DZIP1: variants seen among roughly 807,000 people sequenced by gnomAD.
DZIP1 encodes DAZ interacting zinc finger protein 1.
In DZIP1, 97 loss-of-function variants were observed where a neutral mutation model predicts 107.6. That is an observed-to-expected ratio of 0.90 (90% CI 0.77 to 1.07). DZIP1 has a LOEUF of 1.07. Ranked by LOEUF, DZIP1 falls within the 50% of genes least tolerant of loss-of-function variation. The pLI, the probability that DZIP1 is intolerant of heterozygous loss-of-function variation, is 0.00. For synonymous variants in DZIP1, 390 were observed against 386.4 expected (o/e 1.01, Z -0.11); for missense variants, 1,035 against 1,063.6 (o/e 0.97, Z 0.37).
At chr13:95,606,207 A>G in intron 13 of DZIP1, 148 bp from the exon 14 acceptor site, 1 of 625,150 alleles carries the variant, frequency 1.6e-6, no homozygotes, top group Non-Finnish European at 2.8e-6. Flanking sequence ...GATATTACAC[A>G]ACTAACATAA....
chr13:95,589,192 G>A lies in DZIP1; in HGVS notation c.1989C>T (p.Val663=). The change falls in exon 19 of 23, where the codon GTC becomes GTT. Residue 663 remains valine, a synonymous_variant. Coordinates refer to ENST00000376829, the MANE Select transcript of DZIP1 (RefSeq NM_198968.4). ...RTSVPKIKKN[V]MEDPFPRKSS... ...ACTTTCTGGGAAAAGGATCTTCCAT[G>A]ACATTTTTCTTAATTCTAAAAAAAC... 6 of 1,605,118 alleles carry A rather than the reference G, an allele frequency of 3.7e-6. No individual in the cohort carries two copies. Among genetic ancestry groups the A allele is most frequent in the South Asian group, 1.1e-5 (1 of 88,744 alleles).
chr13:95,638,592 G>A (rs1878100172), intron 5 of DZIP1, among the ~76,000 whole-genome samples: 1 of 151,464 alleles, frequency 6.6e-6, no homozygotes, highest in Non-Finnish European at 1.5e-5. Context: ...AAAATATTGA[G>A]GAAAAAGACC....
rs1454103798 is a variant in DZIP1, at chr13:95,639,403, C to T, written c.597+1892G>A. ...GTCAGGAGTTTGAGACCAGCCTGGC[C>T]AACACGGTGAAACCTCGTCTCTACT... On this transcript the variant is annotated intron_variant, in intron 5 of 22. Transcript: ENST00000376829. Among the ~76,000 whole-genome samples, 3 of 151,912 alleles carry T rather than the reference C, an allele frequency of 2.0e-5. No individual in the cohort carries two copies. In the East Asian group the frequency reaches 5.8e-4, roughly 29 times the overall value.
rs563339489 is a variant in DZIP1, at chr13:95,644,689, C to G, written c.-838G>C. 9.2e-5 allele frequency: 14 copies of G among 151,610 alleles called. No homozygotes were observed. The highest frequency in any genetic ancestry group is 2.2e-4 in the African/African-American group (9 of 41,352). 9.4% of individuals were successfully genotyped at this position (151,610 alleles called of 1,614,324 possible). On this transcript the variant is annotated 5_prime_UTR_variant, in exon 1 of 23. Coordinates refer to ENST00000376829, the MANE Select transcript of DZIP1 (RefSeq NM_198968.4). ...GCGATCTCCCTCCGGCCTCTTCCCT[C>G]GGTGTCCCGGCTCCTCTGGCAACTG...
rs374211707 is a variant in DZIP1, at chr13:95,609,442, A to C, written c.1420+15T>G. 6 of 1,546,132 alleles carry C rather than the reference A, an allele frequency of 3.9e-6. No individual in the cohort carries two copies. In the African/African-American group the frequency reaches 8.3e-5, roughly 21 times the overall value. Reference sequence around the variant, plus strand: ...AAGATACCTTTGGAGCCCTGCATCTATTATAGGAACTTACTAGGCACAGCT... The same window carrying C: ...AAGATACCTTTGGAGCCCTGCATCTCTTATAGGAACTTACTAGGCACAGCT... On this transcript the variant is annotated intron_variant, in intron 13 of 22. Coordinates refer to ENST00000376829, the MANE Select transcript of DZIP1 (RefSeq NM_198968.4).
At chr13:95,639,369 T>C (rs920627996) in intron 5 of DZIP1, among the ~76,000 whole-genome samples, 6 of 152,210 alleles carry the variant, frequency 3.9e-5, no homozygotes, top group Middle Eastern at 3.4e-3. Context: ...GGTGGGTGGA[T>C]CACTTGAGGT....
In DZIP1 at chr13:95,618,886, C is replaced by G. The variant is rs79774382; in HGVS notation, c.1173+999G>C. Among the ~76,000 whole-genome samples the G allele has an allele frequency of 4.3e-3, 654 of 152,270 alleles. 2 individuals carry two copies. The highest frequency in any genetic ancestry group is 0.015 in the African/African-American group (613 of 41,556). On this transcript the variant is annotated intron_variant, in intron 10 of 22. Coordinates refer to ENST00000376829, the MANE Select transcript of DZIP1 (RefSeq NM_198968.4). ...AAGTGAAAAAATAAACAGAAGTTTT[C>G]CTATTTTAAGACCTTCTCAAATACA... is the stretch of plus-strand genomic sequence containing the variant.
Position 95,607,629 on chromosome 13 carries a change from T to C in DZIP1, c.1421-1570A>G, listed in dbSNP as rs1489153960. On this transcript the variant is annotated intron_variant, in intron 13 of 22. Coordinates refer to ENST00000376829, the MANE Select transcript of DZIP1 (RefSeq NM_198968.4). The stretch of plus-strand genomic sequence containing the variant: ...AGGTGAGTAGTTGCAAAATAGATCA[T>C]CTAGCCTGTGAAGCCTAATGTAAAT... Among the ~76,000 whole-genome samples the C allele has an allele frequency of 2.6e-5, 4 of 152,190 alleles. No individual in the cohort carries two copies. The East Asian group carries it at 5.8e-4, about 22-fold the overall frequency.
intron 14 of DZIP1, among the ~76,000 whole-genome samples, chr13:95,605,082 A>C (rs2044733051): frequency 6.6e-6 from 1 of 152,222 alleles, no homozygotes; most frequent in African/African-American, 2.4e-5. Flanking sequence ...GAAAAAAATA[A>C]GGTGCAATAA....
At position 95,623,671 on chromosome 13, in the gene DZIP1, T is replaced by C. The variant is rs192513043; in HGVS notation, c.972+1097A>G. ...AAATTTAAAAACTGGCTGGGCACAG[T>C]GGCCCACAAATGTAATCCCAGCACT... On this transcript the variant is annotated intron_variant, in intron 8 of 22. Coordinates refer to ENST00000376829, the MANE Select transcript of DZIP1 (RefSeq NM_198968.4). Among the ~76,000 whole-genome samples, 406 of 152,348 alleles carry C rather than the reference T, an allele frequency of 2.7e-3. 14 individuals carry two copies. Among genetic ancestry groups the C allele is most frequent in the Admixed American group, 0.025 (385 of 15,308 alleles).
chr13:95,605,837 A>C (rs2044755589), intron 14 of DZIP1, among the ~76,000 whole-genome samples, 166 bp downstream of exon 14: 1 of 152,250 alleles, frequency 6.6e-6, no homozygotes, highest in Admixed American at 6.5e-5. Context: ...TCCAGTTTAC[A>C]ACAATATTAC....
chr13:95,589,258 A>T, intron 18 of DZIP1, 51 bp from the exon 19 acceptor site: 1 of 1,389,324 alleles, frequency 7.2e-7, no homozygotes, highest in Non-Finnish European at 1.0e-6. Context: ...TAATAATATA[A>T]TTTCACATAC....
In DZIP1 at chr13:95,641,150, T is replaced by C; in HGVS notation, c.597+145A>G. On this transcript the variant is annotated intron_variant, in intron 5 of 22. Transcript: ENST00000376829. The surrounding 1 kb of genome is among the most constrained non-coding windows in gnomAD (Gnocchi z 4.3). ...TGAACCATGACATTTGTTGGTTAAATGACTGTTTTTGCTTAAATATACTGT... is the reference window on the plus strand; with the variant it reads ...TGAACCATGACATTTGTTGGTTAAACGACTGTTTTTGCTTAAATATACTGT... The C allele has an allele frequency of 4.4e-6, 5 of 1,126,442 alleles. No homozygotes were observed. The highest frequency in any genetic ancestry group is 4.8e-6 in the Non-Finnish European group (4 of 828,270). The allele number at this position is 1,126,442 out of a possible 1,614,324, so 69.8% of individuals were successfully genotyped here.
At chr13:95,613,186 T>A (rs1356386245) in intron 10 of DZIP1, among the ~76,000 whole-genome samples, 1 of 152,188 alleles carries the variant, frequency 6.6e-6, no homozygotes, top group Non-Finnish European at 1.5e-5. Flanking sequence ...TCAGTAGTTG[T>A]TTAAACACAG....
chr13:95,582,491 A>T (rs1594633205), intron 22 of DZIP1, among the ~76,000 whole-genome samples, 178 bp from the exon 23 acceptor site: 1 of 152,118 alleles, frequency 6.6e-6, no homozygotes, highest in Non-Finnish European at 1.5e-5. Flanking sequence ...TTAAAATCCA[A>T]CTGTGAACTG....
Position 95,641,732 on chromosome 13 carries a change from G to T in DZIP1, c.160C>A (p.Pro54Thr), listed in dbSNP as rs561894113. ...ACAPPSAASG[P>T]LPFFQFRPRL... Reference sequence around the variant, plus strand: ...GGCCTGAACTGGAAGAAGGGCAGGGGCCCCGAAGCCGCGCTGGGGGGCGCA... The same window carrying T: ...GGCCTGAACTGGAAGAAGGGCAGGGTCCCCGAAGCCGCGCTGGGGGGCGCA... The change falls in exon 5 of 23, where the codon CCC (proline) becomes ACC (threonine). Residue 54 changes from proline to threonine, a missense_variant. By Grantham distance (38) the Pro-to-Thr change is conservative. Coordinates refer to ENST00000376829, the MANE Select transcript of DZIP1 (RefSeq NM_198968.4). This position sits in a 1 kb window ranked among gnomAD's most constrained non-coding sequence, Gnocchi z 4.3. 454 of 1,595,208 alleles carry T rather than the reference G, an allele frequency of 2.8e-4. 4 individuals are homozygous for T. The South Asian group carries it at 4.6e-3, about 16-fold the overall frequency.
At chr13:95,611,120 T>C (rs1393843072) in intron 12 of DZIP1, among the ~76,000 whole-genome samples, 1 of 152,194 alleles carries the variant, frequency 6.6e-6, no homozygotes, top group Non-Finnish European at 1.5e-5. Flanking sequence ...CGACAGACCT[T>C]GTGCTTTTAC....
intron 9 of DZIP1, among the ~76,000 whole-genome samples, chr13:95,620,176 A>C (rs1266237647): frequency 6.6e-6 from 1 of 152,168 alleles, no homozygotes; most frequent in African/African-American, 2.4e-5. Context: ...TGCTGTTCTC[A>C]TGATAGTGAG....
rs7319610 is a variant in DZIP1, at chr13:95,590,625, C to T, written c.1681-184G>A. ...AAGGGGCCATGTGTTCAGTTGGGCA[C>T]ATAAGGCATGCATATGTTTATGACT... On this transcript the variant is annotated intron_variant, in intron 16 of 22. Transcript: ENST00000376829. Among the ~76,000 whole-genome samples the T allele has an allele frequency of 9.8e-3, 1,496 of 152,306 alleles. 18 individuals carry two copies. The highest frequency in any genetic ancestry group is 0.02 in the Middle Eastern group (6 of 294).
Sources: allele counts gnomAD v4.1 joint callset (sites outside exome capture counted in the v4.1 genomes callset), GRCh38; gene constraint gnomAD v4.1.1; non-coding constraint Gnocchi (gnomAD v3.1); transcripts MANE v1.5; gene names NCBI Gene and HGNC (gene_info 2026-07-23, HGNC 2026-07-21).